ACSS1: variants seen among roughly 807,000 people sequenced by gnomAD.
The protein encoded by ACSS1 is acetyl-coenzyme A synthetase 2-like, mitochondrial.
In ACSS1, 42 loss-of-function variants were observed where a neutral mutation model predicts 75.3. The ratio of observed to expected loss-of-function variants is 0.56; its 90% CI spans 0.44 to 0.72. The LOEUF (loss-of-function observed/expected upper bound fraction) is 0.72, where lower values mean the gene tolerates loss of function less well. Ranked by LOEUF, ACSS1 falls within the 30% of genes least tolerant of loss-of-function variation. The pLI is 0.00. For missense variants in ACSS1, 782 were observed against 935.7 expected (o/e 0.84, Z 2.14); for synonymous variants, 380 against 376.8 (o/e 1.01, Z -0.10).
chr20:25,016,390 C>A (rs185093673), intron 7 of ACSS1, among the ~76,000 whole-genome samples: 1 of 152,336 alleles, frequency 6.6e-6, no homozygotes, highest in African/African-American at 2.4e-5. Flanking sequence ...CACATTATAT[C>A]TCAATAGAAA....
chr20:25,040,985 G>T (rs908412157), intron 2 of ACSS1, among the ~76,000 whole-genome samples: 2 of 152,322 alleles, frequency 1.3e-5, no homozygotes, highest in South Asian at 2.1e-4. Context: ...TTGTCCGGGC[G>T]CAGTGGCTCA....
At chr20:25,045,332 G>T (rs912397568) in intron 2 of ACSS1, among the ~76,000 whole-genome samples, 34 of 152,146 alleles carry the variant, frequency 2.2e-4, no homozygotes, top group African/African-American at 8.2e-4. Context: ...GGGAAGCAGG[G>T]ATTGCAAATC....
chr20:25,029,683 T>C (rs564227870), intron 3 of ACSS1, among the ~76,000 whole-genome samples: 1 of 152,328 alleles, frequency 6.6e-6, no homozygotes, highest in African/African-American at 2.4e-5. Context: ...CATGGATGAA[T>C]GGAGAATGTC....
intron 3 of ACSS1, among the ~76,000 whole-genome samples, chr20:25,030,501 C>T (rs2088802632): frequency 6.6e-6 from 1 of 152,220 alleles, no homozygotes; most frequent in African/African-American, 2.4e-5. Context: ...CTGTGCTCCT[C>T]CTCCACTTGG....
intron 2 of ACSS1, chr20:25,046,971 G>A: frequency 2.6e-6 from 2 of 776,110 alleles, no homozygotes; most frequent in Non-Finnish European, 2.4e-6. Flanking sequence ...GAGCTGTGAT[G>A]GGCCTGAGGG....
Position 25,036,442 on chromosome 20 carries a change from C to A in ACSS1, c.432-5484G>T, listed in dbSNP as rs182733505. On this transcript the variant is annotated intron_variant, in intron 2 of 13. Coordinates refer to ENST00000323482, the MANE Select transcript of ACSS1 (RefSeq NM_032501.4). Reference sequence around the variant, plus strand: ...ACAACTGCACCCCTGCCCCCCACCCCCCGCCTCAGAATTTAAAATTAGTCC... The same window carrying A: ...ACAACTGCACCCCTGCCCCCCACCCACCGCCTCAGAATTTAAAATTAGTCC... Among the ~76,000 whole-genome samples, 902 of 151,970 alleles carry A rather than the reference C, an allele frequency of 5.9e-3. 12 individuals carry two copies. The highest frequency in any genetic ancestry group is 0.021 in the African/African-American group (853 of 41,386).
In ACSS1 at chr20:25,045,219, G is replaced by A. The variant is rs2089066709; in HGVS notation, c.431+2866C>T. ...GTACAGATGGGAAAGTCACACCCGG[G>A]GAGATTAGGGAGCTGCACAAGGTCA... On this transcript the variant is annotated intron_variant, in intron 2 of 13. Coordinates refer to ENST00000323482, the MANE Select transcript of ACSS1 (RefSeq NM_032501.4). Among the ~76,000 whole-genome samples, 6 of 152,214 alleles carry A rather than the reference G, an allele frequency of 3.9e-5. No homozygotes were observed. In the South Asian group the frequency reaches 1.2e-3, roughly 32 times the overall value.
intron 6 of ACSS1, 125 bp downstream of exon 6, chr20:25,021,264 T>C (rs2088619283): frequency 7.7e-7 from 1 of 1,298,132 alleles, no homozygotes; most frequent in African/African-American, 1.5e-5. Context: ...CAGCAGGACC[T>C]GGAGAGCCAC....
intron 8 of ACSS1, 38 bp from the exon 9 acceptor site, chr20:25,014,111 C>G: frequency 6.6e-7 from 1 of 1,517,760 alleles, no homozygotes; most frequent in Non-Finnish European, 8.9e-7. Context: ...TAATCGGCCC[C>G]GGACCCAGGG....
At chr20:25,038,147 G>T (rs746886675) in intron 2 of ACSS1, among the ~76,000 whole-genome samples, 1 of 152,218 alleles carries the variant, frequency 6.6e-6, no homozygotes, top group Non-Finnish European at 1.5e-5. Context: ...AGCTCAGCCA[G>T]TAACAAGATC....
intron 2 of ACSS1, chr20:25,032,682 T>G: frequency 1.7e-6 from 2 of 1,197,554 alleles, no homozygotes; most frequent in Non-Finnish European, 2.1e-6. Flanking sequence ...TCTCCTCTGT[T>G]CAAAGGGTAG....
intron 2 of ACSS1, among the ~76,000 whole-genome samples, chr20:25,044,350 A>AG (rs2089051631): frequency 6.6e-6 from 1 of 152,236 alleles, no homozygotes; most frequent in African/African-American, 2.4e-5. Flanking sequence ...GGCACCGGCC[A>AG]GGCGCGGTGG....
chr20:25,038,950 C>T (rs1317306123), intron 2 of ACSS1, among the ~76,000 whole-genome samples: 2 of 152,170 alleles, frequency 1.3e-5, no homozygotes, highest in African/African-American at 4.8e-5. Flanking sequence ...CCTCTCCAGG[C>T]CCATGGCCTC....
At chr20:25,042,148 T>A (rs2089014893) in intron 2 of ACSS1, among the ~76,000 whole-genome samples, 1 of 152,048 alleles carries the variant, frequency 6.6e-6, no homozygotes, top group Non-Finnish European at 1.5e-5. Context: ...TGTGCTGCAG[T>A]CTGAAGATGG....
At chr20:25,020,478 C>T (rs1006211500) in intron 6 of ACSS1, among the ~76,000 whole-genome samples, 2 of 152,256 alleles carry the variant, frequency 1.3e-5, no homozygotes, top group Non-Finnish European at 2.9e-5. Context: ...AGAGCTTTCA[C>T]TCGATCACAC....
At position 25,017,077 on chromosome 20, in the gene ACSS1, C is replaced by T. The variant is rs939032021; in HGVS notation, c.1247-1847G>A. Among the ~76,000 whole-genome samples, 5 of 151,612 alleles carry T rather than the reference C, an allele frequency of 3.3e-5. No homozygotes were observed. The East Asian group carries it at 7.7e-4, about 23-fold the overall frequency. ...GCATGATCATGGCTCACTGCAACCT[C>T]GACTTCTGGGGCTCAAGGATCCTCC... On this transcript the variant is annotated intron_variant, in intron 7 of 13. Transcript: ENST00000323482.
At chr20:25,016,124 C>A (rs1055139706) in intron 7 of ACSS1, among the ~76,000 whole-genome samples, 3 of 152,192 alleles carry the variant, frequency 2.0e-5, no homozygotes, top group African/African-American at 7.2e-5. Flanking sequence ...CGAACCTCCA[C>A]GACCCACAGC....
chr20:25,015,307 TTTTTTG>T (rs2088497370), intron 7 of ACSS1, 77 bp from the exon 8 acceptor site: 1 of 1,345,530 alleles, frequency 7.4e-7, no homozygotes, highest in Non-Finnish European at 1.0e-6. Context: ...TTGTTTTTTG[TTTTTTG>T]TTTTTGTTTT....
At chr20:25,021,148 C>T (rs1195249832) in intron 6 of ACSS1, among the ~76,000 whole-genome samples, 3 of 152,232 alleles carry the variant, frequency 2.0e-5, no homozygotes, top group African/African-American at 7.2e-5. Context: ...GGCAGGAGTG[C>T]AGGAGCAGGG....
Sources: gnomAD v4.1 joint callset for allele counts (sites outside exome capture counted in the v4.1 genomes callset) on GRCh38, gnomAD v4.1.1 for gene constraint, MANE v1.5 for transcripts, NCBI Gene and HGNC (gene_info 2026-07-23, HGNC 2026-07-21) for gene names.